The following ST7 variants were observed in gnomAD, a reference collection of about 807,000 sequenced individuals.
The protein encoded by ST7 is suppressor of tumorigenicity 7 protein.
Under a neutral mutation model 78.7 loss-of-function variants are expected in ST7, and 28 were observed. The observed-to-expected ratio is 0.36, with a 90% CI of 0.26 to 0.49. The LOEUF (loss-of-function observed/expected upper bound fraction) is 0.49, where lower values mean the gene tolerates loss of function less well. Among genes scored for constraint, ST7 ranks in the 20% least tolerant of loss-of-function variants. ST7 has a pLI of 0.99. For synonymous variants in ST7, 247 were observed against 249.6 expected (o/e 0.99, Z 0.10); for missense variants, 418 against 696.0 (o/e 0.60, Z 4.49).
At chr7:117,220,854 G>T (rs1418234293) in intron 14 of ST7, among the ~76,000 whole-genome samples, 2 of 152,206 alleles carry the variant, frequency 1.3e-5, no homozygotes, top group Non-Finnish European at 2.9e-5. Flanking sequence ...TCGTCTGCAT[G>T]GAGTTCCTCC....
chr7:117,218,990 C>T (rs1584631199), intron 13 of ST7, 94 bp from the exon 14 acceptor site: 3 of 915,646 alleles, frequency 3.3e-6, no homozygotes, highest in East Asian at 2.4e-5. Context: ...TAGAAGTGTT[C>T]CCTGTTATAA....
At chr7:117,058,076 C>A (rs1412938098) in intron 1 of ST7, among the ~76,000 whole-genome samples, 1 of 151,988 alleles carries the variant, frequency 6.6e-6, no homozygotes, top group African/African-American at 2.4e-5. Context: ...CTTTTTAATT[C>A]TTTATTGTTA....
intron 12 of ST7, among the ~76,000 whole-genome samples, chr7:117,193,627 G>T (rs984842407): frequency 3.2e-4 from 48 of 152,206 alleles, no homozygotes; most frequent in East Asian, 1.9e-4. Context: ...CCTAGGCTTG[G>T]ACTCTTCAAA....
At chr7:117,132,469 A>G (rs1486528735) in intron 6 of ST7, among the ~76,000 whole-genome samples, 5 of 151,852 alleles carry the variant, frequency 3.3e-5, no homozygotes. Context: ...AAGGCTGGGA[A>G]ATCTCTTCTG....
intron 9 of ST7, among the ~76,000 whole-genome samples, chr7:117,144,633 CAAA>C (rs535930435): frequency 2.9e-5 from 3 of 103,894 alleles, no homozygotes; most frequent in Non-Finnish European, 4.3e-5. Flanking sequence ...ACCCTGTCTC[CAAA>C]AAAAAAAAAA....
chr7:117,033,907 G>A (rs966977327), intron 1 of ST7, among the ~76,000 whole-genome samples: 1 of 152,056 alleles, frequency 6.6e-6, no homozygotes, highest in Non-Finnish European at 1.5e-5. Context: ...CTGTGTCATG[G>A]AGCTGCTATG....
Position 117,170,375 on chromosome 7 carries a change from A to G in ST7, c.964-487A>G, listed in dbSNP as rs1807895577. Among the ~76,000 whole-genome samples the G allele has an allele frequency of 3.9e-5, 6 of 152,240 alleles. No homozygotes were observed. In the South Asian group the frequency reaches 1.2e-3, roughly 32 times the overall value. ...ATTATACTTTTAAGAATTGAATTAT[A>G]CTTTTATATAAATACAATTCAGTAT... On this transcript the variant is annotated intron_variant, in intron 9 of 15. Coordinates refer to ENST00000323984, the MANE Select transcript of ST7 (RefSeq NM_001369598.1).
intron 1 of ST7, among the ~76,000 whole-genome samples, chr7:117,054,211 T>C (rs1281051442): frequency 6.6e-6 from 1 of 152,212 alleles, no homozygotes; most frequent in East Asian, 1.9e-4. Flanking sequence ...TTAAAATCTG[T>C]GCGCACACCC....
chr7:117,190,821 T>C lies in ST7; in HGVS notation c.1152-13T>C. The C allele has an allele frequency of 6.2e-7, 1 of 1,613,130 alleles. No homozygotes were observed. The highest frequency in any genetic ancestry group is 8.5e-7 in the Non-Finnish European group (1 of 1,179,380). Reference sequence around the variant, plus strand: ...GGTCCCACCTGGATGGTTTTTGTCTTTCTGCTTTTCAGATTCTCTCCTGAG... The same window carrying C: ...GGTCCCACCTGGATGGTTTTTGTCTCTCTGCTTTTCAGATTCTCTCCTGAG... On this transcript the variant is annotated splice_polypyrimidine_tract_variant and intron_variant, in intron 11 of 15. Coordinates refer to ENST00000323984, the MANE Select transcript of ST7 (RefSeq NM_001369598.1). This position sits in a 1 kb window ranked among gnomAD's most constrained non-coding sequence, Gnocchi z 5.2.
intron 15 of ST7, among the ~76,000 whole-genome samples, chr7:117,229,405 T>A (rs1793647479): frequency 6.6e-6 from 1 of 152,232 alleles, no homozygotes; most frequent in Non-Finnish European, 1.5e-5. Context: ...ATTTTTTAAC[T>A]CTTGTGCCCA....
chr7:117,144,718 A>G (rs1039609185), intron 9 of ST7, among the ~76,000 whole-genome samples: 3 of 151,948 alleles, frequency 2.0e-5, no homozygotes, highest in Non-Finnish European at 4.4e-5. Flanking sequence ...AGTCACTTGT[A>G]TAAGCATAAG....
chr7:116,982,916 GA>G (rs1229851482), intron 1 of ST7, among the ~76,000 whole-genome samples: 2 of 151,626 alleles, frequency 1.3e-5, no homozygotes, highest in African/African-American at 4.8e-5. Flanking sequence ...TTTTGTTTTT[GA>G]GATGGAGTTT....
In ST7 at chr7:117,191,348, A is replaced by G. The variant is rs573652083; in HGVS notation, c.1254+412A>G. On this transcript the variant is annotated intron_variant, in intron 12 of 15. Coordinates refer to ENST00000323984, the MANE Select transcript of ST7 (RefSeq NM_001369598.1). The stretch of plus-strand genomic sequence containing the variant: ...AATGTGGCATTCCGTGTCTCTATAA[A>G]TGAATGATAGTAATCAGTATTGGCA... Among the ~76,000 whole-genome samples the G allele has an allele frequency of 3.9e-5, 6 of 152,354 alleles. No homozygotes were observed. In the South Asian group the frequency reaches 1.2e-3, roughly 32 times the overall value.
intron 1 of ST7, among the ~76,000 whole-genome samples, chr7:117,052,853 C>T (rs1376352727): frequency 6.6e-6 from 1 of 152,206 alleles, no homozygotes; most frequent in Non-Finnish European, 1.5e-5. Flanking sequence ...GAGATCGCGC[C>T]ACTGCACTGC....
chr7:117,227,044 C>T (rs1364338617), intron 15 of ST7, among the ~76,000 whole-genome samples: 1 of 152,206 alleles, frequency 6.6e-6, no homozygotes, highest in Non-Finnish European at 1.5e-5. Context: ...TTTTCAGAGG[C>T]TTCACTTTTG....
intron 15 of ST7, chr7:117,222,962 T>A: frequency 1.9e-6 from 3 of 1,613,378 alleles, no homozygotes; most frequent in Non-Finnish European, 2.5e-6. Flanking sequence ...CACCTCAATC[T>A]CAACATTTCC....
At chr7:117,201,892 G>A (rs1299393782) in intron 12 of ST7, among the ~76,000 whole-genome samples, 1 of 151,850 alleles carries the variant, frequency 6.6e-6, no homozygotes, top group Non-Finnish European at 1.5e-5. Context: ...CTCCTTTCCT[G>A]CGCTGCCACG....
At chr7:117,039,962 G>T (rs1038559721) in intron 1 of ST7, among the ~76,000 whole-genome samples, 2 of 152,212 alleles carry the variant, frequency 1.3e-5, no homozygotes, top group Admixed American at 1.3e-4. Flanking sequence ...AGCCCAAGAA[G>T]AGCCATCATG....
At chr7:117,099,465 C>T (rs1801403147) in intron 1 of ST7, among the ~76,000 whole-genome samples, 1 of 152,158 alleles carries the variant, frequency 6.6e-6, no homozygotes, top group African/African-American at 2.4e-5. Flanking sequence ...TTTGATTAAA[C>T]TCTTCCATGG....
Sources: allele counts gnomAD v4.1 joint callset (sites outside exome capture counted in the v4.1 genomes callset), GRCh38; gene constraint gnomAD v4.1.1; non-coding constraint Gnocchi (gnomAD v3.1); transcripts MANE v1.5; gene names NCBI Gene and HGNC (gene_info 2026-07-23, HGNC 2026-07-21).